DDX10: variants seen among roughly 807,000 people sequenced by gnomAD.
DDX10 encodes DEAD-box helicase 10.
Under a neutral mutation model 104.3 loss-of-function variants are expected in DDX10, and 74 were observed. That is an observed-to-expected ratio of 0.71 (90% CI 0.59 to 0.86). The LOEUF (loss-of-function observed/expected upper bound fraction) is 0.86. DDX10 is among the 40% of genes least tolerant of loss of function. The pLI is 0.00. For synonymous variants in DDX10, 351 were observed against 353.4 expected (o/e 0.99, Z 0.08); for missense variants, 952 against 1,040.0 (o/e 0.92, Z 1.16).
At chr11:108,669,262 T>G (rs1266072029) in intron 1 of DDX10, among the ~76,000 whole-genome samples, 1 of 151,958 alleles carries the variant, frequency 6.6e-6, no homozygotes, top group Non-Finnish European at 1.5e-5. Context: ...CCTGGCTAAT[T>G]TTTTTGGTAA....
chr11:108,865,251 G>GCAGTA (rs149078864), intron 16 of DDX10, among the ~76,000 whole-genome samples: 98 of 152,276 alleles, frequency 6.4e-4, no homozygotes, highest in African/African-American at 2.3e-3. Context: ...CCTGGTGATA[G>GCAGTA]CAGTAGATCA....
rs150955041 is a variant in DDX10, at chr11:108,758,715, C to A, written c.1965+35253C>A. On this transcript the variant is annotated intron_variant, in intron 13 of 17. Transcript: ENST00000322536. ...TCTTGCATCACATCACTCTGATCTC[C>A]CCTTCTGCCTCCTGTTTCCACTTTT... Among the ~76,000 whole-genome samples the A allele has an allele frequency of 3.0e-3, 452 of 152,126 alleles. 4 individuals are homozygous for A. The highest frequency in any genetic ancestry group is 0.01 in the African/African-American group (420 of 41,524).
At chr11:108,822,348 G>A (rs964716398) in intron 13 of DDX10, 31 of 366,250 alleles carry the variant, frequency 8.5e-5, no homozygotes, top group Non-Finnish European at 1.4e-4. Context: ...GATGAGTAGC[G>A]TTTTTGAGAT....
chr11:108,722,837 T>G (rs536888579), intron 12 of DDX10, among the ~76,000 whole-genome samples, 160 bp from the exon 13 acceptor site: 1 of 152,326 alleles, frequency 6.6e-6, no homozygotes, highest in Admixed American at 6.5e-5. Flanking sequence ...TTTGCCTTAC[T>G]TTTTGGATCA....
intron 6 of DDX10, among the ~76,000 whole-genome samples, chr11:108,685,089 T>G: frequency 6.7e-6 from 1 of 149,390 alleles, no homozygotes; most frequent in Admixed American, 6.7e-5. Context: ...TCATTGTAGA[T>G]TCTGGATATT....
chr11:108,826,487 C>G (rs538043667), intron 13 of DDX10, among the ~76,000 whole-genome samples: 19 of 152,314 alleles, frequency 1.2e-4, no homozygotes, highest in African/African-American at 4.6e-4. Context: ...TATATTTTAG[C>G]TATGGACCTC....
intron 9 of DDX10, among the ~76,000 whole-genome samples, chr11:108,701,933 G>A (rs780726497): frequency 3.3e-5 from 5 of 151,984 alleles, no homozygotes; most frequent in South Asian, 2.1e-4. Context: ...TGATCCACCC[G>A]CCTGGATCCC....
chr11:108,753,045 A>G (rs1047821124), intron 13 of DDX10, among the ~76,000 whole-genome samples: 30 of 151,966 alleles, frequency 2.0e-4, no homozygotes, highest in Admixed American at 2.0e-3. Flanking sequence ...TTTGTCATAA[A>G]TTGGAAATGT....
chr11:108,836,233 G>T (rs1362624438), intron 13 of DDX10, among the ~76,000 whole-genome samples: 1 of 152,158 alleles, frequency 6.6e-6, no homozygotes, highest in East Asian at 1.9e-4. Context: ...GACATAATTT[G>T]TGGTCTGAGA....
intron 13 of DDX10, among the ~76,000 whole-genome samples, chr11:108,814,508 CTG>C (rs1400184852): frequency 6.6e-6 from 1 of 152,182 alleles, no homozygotes; most frequent in Admixed American, 6.5e-5. Context: ...ACACCACTAT[CTG>C]TACCTTTTTT....
intron 6 of DDX10, among the ~76,000 whole-genome samples, chr11:108,685,520 C>T (rs2094242611): frequency 6.6e-6 from 1 of 152,134 alleles, no homozygotes; most frequent in Non-Finnish European, 1.5e-5. Context: ...GAGCTGTAGA[C>T]CGGAGCTGTT....
Position 108,665,430 on chromosome 11 carries a change from T to C in DDX10, c.186+91T>C, listed in dbSNP as rs2094208860. ...GGAGTTGCAGAGTGGAGGCGGCGGA[T>C]CTGTCACCGGGACCCGGCCGGGAAT... is the stretch of plus-strand genomic sequence containing the variant. On this transcript the variant is annotated intron_variant, in intron 1 of 17. Transcript: ENST00000322536. 2.1e-6 allele frequency: 3 copies of C among 1,406,200 alleles called. No homozygotes were observed. The South Asian group carries it at 4.6e-5, about 21-fold the overall frequency. 87.1% of individuals were successfully genotyped at this position (1,406,200 alleles called of 1,614,324 possible). A position where few individuals can be genotyped will look rare whatever the true frequency, so the allele number is the denominator to read the frequency against.
At chr11:108,817,965 T>C (rs1176803134) in intron 13 of DDX10, among the ~76,000 whole-genome samples, 1 of 152,236 alleles carries the variant, frequency 6.6e-6, no homozygotes, top group Non-Finnish European at 1.5e-5. Flanking sequence ...GCTTTTCTTA[T>C]TTCAACAACT....
At chr11:108,757,067 G>C (rs1217277813) in intron 13 of DDX10, among the ~76,000 whole-genome samples, 1 of 151,986 alleles carries the variant, frequency 6.6e-6, no homozygotes, top group Non-Finnish European at 1.5e-5. Flanking sequence ...CACTTTAATA[G>C]GTTCTCCCTG....
chr11:108,881,032 A>G (rs1353502260), intron 16 of DDX10, among the ~76,000 whole-genome samples: 2 of 152,184 alleles, frequency 1.3e-5, no homozygotes, highest in Non-Finnish European at 2.9e-5. Context: ...GAACCAAACC[A>G]TACGTATTGT....
chr11:108,813,409 A>G (rs990683182), intron 13 of DDX10, among the ~76,000 whole-genome samples: 19 of 152,234 alleles, frequency 1.2e-4, no homozygotes, highest in African/African-American at 3.9e-4. Flanking sequence ...GAACTGTCCA[A>G]TTGGGCTGAT....
intron 16 of DDX10, among the ~76,000 whole-genome samples, chr11:108,880,169 T>C (rs950064539): frequency 2.0e-5 from 3 of 152,222 alleles, no homozygotes; most frequent in Non-Finnish European, 2.9e-5. Flanking sequence ...GATTGGTTTC[T>C]GAGGAGGACT....
At chr11:108,683,186 C>T (rs773331026) in intron 6 of DDX10, among the ~76,000 whole-genome samples, 50 of 152,160 alleles carry the variant, frequency 3.3e-4, no homozygotes, top group Non-Finnish European at 4.3e-4. Context: ...TTGTGAACCT[C>T]GTAGCATTGT....
chr11:108,850,872 G>A (rs1862781994), intron 15 of DDX10, among the ~76,000 whole-genome samples: 1 of 152,112 alleles, frequency 6.6e-6, no homozygotes, highest in African/African-American at 2.4e-5. Flanking sequence ...AAGTTACTTA[G>A]TTACTTTGAT....
Sources: gnomAD v4.1 joint callset for allele counts (sites outside exome capture counted in the v4.1 genomes callset) on GRCh38, gnomAD v4.1.1 for gene constraint, MANE v1.5 for transcripts, NCBI Gene and HGNC (gene_info 2026-07-23, HGNC 2026-07-21) for gene names.